The following TUSC3 variants were observed in gnomAD, a reference collection of about 807,000 sequenced individuals.
TUSC3 encodes dolichyl-diphosphooligosaccharide--protein glycosyltransferase subunit TUSC3.
Under a neutral mutation model 44.8 loss-of-function variants are expected in TUSC3, and 45 were observed. That is an observed-to-expected ratio of 1.00 (90% confidence interval 0.79 to 1.29). The LOEUF (loss-of-function observed/expected upper bound fraction) is 1.29. Among genes scored for constraint, TUSC3 ranks in the 50% most tolerant of loss-of-function variants. The probability of loss-of-function intolerance (pLI) is 0.00; values close to 1 mark genes in which losing one functional copy is unlikely to be tolerated. For synonymous variants in TUSC3, 212 were observed against 152.9 expected (o/e 1.39, Z -2.85); for missense variants, 519 against 437.9 (o/e 1.19, Z -1.65).
At chr8:15,632,074 T>C (rs899464284) in intron 2 of TUSC3, among the ~76,000 whole-genome samples, 1 of 152,176 alleles carries the variant, frequency 6.6e-6, no homozygotes, top group East Asian at 1.9e-4. Context: ...TTCAGTGATA[T>C]AATCTTACTA....
chr8:15,779,333 G>C, the TUSC3 span, among the ~76,000 whole-genome samples: 3 of 152,184 alleles, frequency 2.0e-5, no homozygotes, highest in African/African-American at 7.2e-5. Context: ...TTCCCATAGT[G>C]CTGATATTAC....
the TUSC3 span, among the ~76,000 whole-genome samples, chr8:15,802,986 CGT>C: frequency 6.6e-6 from 1 of 152,104 alleles, no homozygotes; most frequent in South Asian, 2.1e-4. Context: ...TTTAGGTAAA[CGT>C]GTGATTCAGT....
At chr8:15,436,683 C>G (rs1375289656) in intron 1 of TUSC3, among the ~76,000 whole-genome samples, 1 of 148,900 alleles carries the variant, frequency 6.7e-6, no homozygotes, top group Non-Finnish European at 1.5e-5. Context: ...CTGCAAAAAA[C>G]CCAGAACTTT....
intron 2 of TUSC3, among the ~76,000 whole-genome samples, chr8:15,520,423 C>G (rs557319052): frequency 3.3e-5 from 5 of 152,126 alleles, no homozygotes; most frequent in African/African-American, 4.8e-5. Context: ...TAATTTATTA[C>G]GCAAACAGCT....
At chr8:15,664,036 G>C (rs1419943998) in intron 5 of TUSC3, among the ~76,000 whole-genome samples, 1 of 151,748 alleles carries the variant, frequency 6.6e-6, no homozygotes, top group Non-Finnish European at 1.5e-5. Flanking sequence ...GAAGAGCCCA[G>C]AATTATTGCA....
In TUSC3 at chr8:15,617,318, T is replaced by G. The variant is rs143849829; in HGVS notation, c.139-5762T>G. 3.7e-3 allele frequency among the ~76,000 whole-genome samples: 555 copies of G among 151,776 alleles called. 2 individuals are homozygous for G. Among genetic ancestry groups the G allele is most frequent in the African/African-American group, 0.013 (523 of 41,368 alleles). ...CCACGCCTGGCTTATTTTTGTATTT[T>G]TAGTAGAGACAGGGTTTCACCATAT... On this transcript the variant is annotated intron_variant, in intron 1 of 10. Transcript: ENST00000503731.
chr8:15,471,395 C>T (rs1403275964), intron 1 of TUSC3, among the ~76,000 whole-genome samples: 2 of 152,132 alleles, frequency 1.3e-5, no homozygotes, highest in Non-Finnish European at 2.9e-5. Context: ...CTTAGAGCTG[C>T]AGTCTCCAAG....
At chr8:15,438,560 G>A (rs1215226300) in intron 1 of TUSC3, among the ~76,000 whole-genome samples, 1 of 152,172 alleles carries the variant, frequency 6.6e-6, no homozygotes, top group Non-Finnish European at 1.5e-5. Context: ...GTGAAACACT[G>A]AAAGGCCAAT....
intron 8 of TUSC3, among the ~76,000 whole-genome samples, chr8:15,746,546 C>G (rs1563202656): frequency 6.6e-6 from 1 of 151,942 alleles, no homozygotes; most frequent in Non-Finnish European, 1.5e-5. Context: ...TAACCCCTCC[C>G]TGCACTGAGT....
chr8:15,721,654 T>C (rs2129204356), intron 6 of TUSC3, among the ~76,000 whole-genome samples: 1 of 152,148 alleles, frequency 6.6e-6, no homozygotes, highest in South Asian at 2.1e-4. Flanking sequence ...CACAAGAAAA[T>C]TCTATGAAAG....
intron 1 of TUSC3, among the ~76,000 whole-genome samples, chr8:15,585,433 G>A (rs1245463144): frequency 2.0e-5 from 3 of 152,222 alleles, no homozygotes; most frequent in East Asian, 1.9e-4. Context: ...TGAGGTTGGA[G>A]CGAAAGTTTA....
At chr8:15,490,081 AG>A (rs1192769688) in intron 2 of TUSC3, among the ~76,000 whole-genome samples, 1 of 152,200 alleles carries the variant, frequency 6.6e-6, no homozygotes, top group Non-Finnish European at 1.5e-5. Context: ...GTAAAACAGA[AG>A]GAATTTGTTA....
intron 1 of TUSC3, among the ~76,000 whole-genome samples, chr8:15,572,158 T>G (rs1377514528): frequency 6.6e-6 from 1 of 152,166 alleles, no homozygotes; most frequent in Non-Finnish European, 1.5e-5. Flanking sequence ...AGAAGGATGT[T>G]TAGTCTACTC....
At chr8:15,748,662 C>T in intron 9 of TUSC3, 197 bp downstream of exon 9, 2 of 730,148 alleles carry the variant, frequency 2.7e-6, no homozygotes, top group Non-Finnish European at 5.0e-6. Flanking sequence ...GTTCTTGTTC[C>T]CTGACAGCAT....
chr8:15,537,843 G>T (rs1801546533), upstream of TUSC3, among the ~76,000 whole-genome samples: 1 of 152,148 alleles, frequency 6.6e-6, no homozygotes, highest in Non-Finnish European at 1.5e-5. Flanking sequence ...AGTATATCTA[G>T]ATGTCAATAT....
intron 2 of TUSC3, among the ~76,000 whole-genome samples, chr8:15,638,515 CTTTTTTTTTT>C (rs547743726): frequency 4.1e-4 from 33 of 81,102 alleles, no homozygotes; most frequent in Middle Eastern, 0.013. Context: ...TTCTTTTTTT[CTTTTTTTTTT>C]TTTTTTTTTT....
intron 2 of TUSC3, among the ~76,000 whole-genome samples, chr8:15,639,369 A>T (rs1467623669): frequency 6.6e-6 from 1 of 152,226 alleles, no homozygotes. Flanking sequence ...GTGGGATTTT[A>T]TTGAATGAAA....
At chr8:15,745,977 A>T (rs1282806578) in intron 8 of TUSC3, among the ~76,000 whole-genome samples, 1 of 152,190 alleles carries the variant, frequency 6.6e-6, no homozygotes, top group Middle Eastern at 3.4e-3. Context: ...TCTTGTGCAT[A>T]TGGCTAGCCA....
the TUSC3 span, among the ~76,000 whole-genome samples, chr8:15,781,317 T>G: frequency 3.3e-5 from 5 of 152,212 alleles, no homozygotes; most frequent in Non-Finnish European, 7.3e-5. Flanking sequence ...GGTCTGGCTC[T>G]TACCTTACCT....
Sources: allele counts gnomAD v4.1 joint callset (sites outside exome capture counted in the v4.1 genomes callset), GRCh38; gene constraint gnomAD v4.1.1; transcripts MANE v1.5; gene names NCBI Gene and HGNC (gene_info 2026-07-23, HGNC 2026-07-21).